The following PIEZO2 variants were observed in gnomAD, a reference collection of about 807,000 sequenced individuals.
The protein encoded by PIEZO2 is piezo type mechanosensitive ion channel component 2.
PIEZO2 carries 172 observed loss-of-function variants against 337.3 expected under a neutral mutation model. The ratio of observed to expected loss-of-function variants is 0.51; its 90% CI spans 0.45 to 0.58. The LOEUF (loss-of-function observed/expected upper bound fraction) is 0.58, where lower values mean the gene tolerates loss of function less well. Among genes scored for constraint, PIEZO2 ranks in the 20% least tolerant of loss-of-function variants. PIEZO2 has a pLI of 0.00. For synonymous variants in PIEZO2, 1,251 were observed against 1,228.5 expected, an observed-to-expected ratio of 1.02 and a Z score of -0.38; for missense variants, 3,028 against 3,391.3, an observed-to-expected ratio of 0.89 and a Z score of 2.66.
chr18:10,675,846 A>C (rs993333698), intron 53 of PIEZO2, among the ~76,000 whole-genome samples: 1 of 151,924 alleles, frequency 6.6e-6, no homozygotes, highest in African/African-American at 2.4e-5. Flanking sequence ...AGTCTCATGA[A>C]ATCTGATGGT....
At chr18:10,769,857 T>G in intron 21 of PIEZO2, 1 of 266,536 alleles carries the variant, frequency 3.8e-6, no homozygotes, top group Non-Finnish European at 7.0e-6. Flanking sequence ...TAGATTCCCA[T>G]AGGCAGGGGC....
At chr18:11,060,990 C>T (rs143078098) in intron 2 of PIEZO2, among the ~76,000 whole-genome samples, 3 of 152,248 alleles carry the variant, frequency 2.0e-5, no homozygotes, top group Admixed American at 6.5e-5. Context: ...TGATGAATAT[C>T]GATGCAAAAG....
At chr18:10,891,708 G>GTA (rs777177148) in intron 4 of PIEZO2, among the ~76,000 whole-genome samples, 16 of 152,258 alleles carry the variant, frequency 1.1e-4, no homozygotes, top group Admixed American at 2.0e-4. Flanking sequence ...CTCAAAGGCT[G>GTA]TACTCAAATC....
chr18:11,082,028 G>T (rs2038760769), intron 1 of PIEZO2, among the ~76,000 whole-genome samples: 1 of 152,126 alleles, frequency 6.6e-6, no homozygotes, highest in African/African-American at 2.4e-5. Flanking sequence ...CCAAAGTGCT[G>T]GGATTACAGG....
At chr18:11,063,508 C>G (rs2038044503) in intron 2 of PIEZO2, among the ~76,000 whole-genome samples, 1 of 152,186 alleles carries the variant, frequency 6.6e-6, no homozygotes, top group East Asian at 1.9e-4. Context: ...TCTCCACATC[C>G]TGGGCACCTA....
intron 3 of PIEZO2, among the ~76,000 whole-genome samples, chr18:10,931,236 G>A (rs985895837): frequency 6.6e-6 from 1 of 151,992 alleles, no homozygotes; most frequent in Non-Finnish European, 1.5e-5. Flanking sequence ...CGCTCTGTTT[G>A]TCGCCCAGGC....
chr18:10,905,581 CAAAA>C (rs11318022), intron 4 of PIEZO2, among the ~76,000 whole-genome samples: 1 of 127,952 alleles, frequency 7.8e-6, no homozygotes, highest in Non-Finnish European at 1.7e-5. Context: ...GAAACTGTTT[CAAAA>C]AAAAAAAAAA....
chr18:10,782,805 C>A (rs953651661), intron 17 of PIEZO2, among the ~76,000 whole-genome samples: 7 of 151,980 alleles, frequency 4.6e-5, no homozygotes, highest in Admixed American at 3.9e-4. Flanking sequence ...TTGACGTGGG[C>A]TGCAGTCTTT....
At chr18:11,085,982 C>T (rs969558018) in intron 1 of PIEZO2, among the ~76,000 whole-genome samples, 1 of 152,046 alleles carries the variant, frequency 6.6e-6, no homozygotes, top group East Asian at 1.9e-4. Flanking sequence ...AATTAATCCT[C>T]CTTCATTTCC....
rs2041700227 is a variant in PIEZO2 at position 10,856,190 on chromosome 18, C to T, written c.704-624G>A. 6.6e-6 allele frequency among the ~76,000 whole-genome samples: 1 copy of T among 152,152 alleles called. No homozygotes were observed. Among genetic ancestry groups the T allele is most frequent in the Non-Finnish European group, 1.5e-5 (1 of 68,014 alleles). On this transcript the variant is annotated intron_variant, in intron 6 of 55. Transcript: ENST00000674853. The surrounding 1 kb of genome is among the most constrained non-coding windows in gnomAD (Gnocchi z 4.7). ...CTCGGATTACAGGCATGAGCCACTG[C>T]TCCTGGCCAATAACTCCTTTAAAAG...
At chr18:11,098,374 T>C (rs951629898) in intron 1 of PIEZO2, among the ~76,000 whole-genome samples, 1 of 151,998 alleles carries the variant, frequency 6.6e-6, no homozygotes, top group African/African-American at 2.4e-5. Context: ...GGTTTCTTTA[T>C]TTTCCAGTTT....
chr18:10,787,545 TATC>T (rs2039267029), intron 15 of PIEZO2, among the ~76,000 whole-genome samples: 1 of 152,198 alleles, frequency 6.6e-6, no homozygotes, highest in Non-Finnish European at 1.5e-5. Flanking sequence ...TCATTGTGGT[TATC>T]ATTGCTCAGA....
intron 1 of PIEZO2, among the ~76,000 whole-genome samples, chr18:11,114,947 T>C (rs1368360694): frequency 6.6e-6 from 1 of 152,190 alleles, no homozygotes; most frequent in Non-Finnish European, 1.5e-5. Flanking sequence ...TTGAACTAAA[T>C]AGGCAAGCAG....
rs532773203 is a variant in PIEZO2, at chr18:10,881,581, T to C, written c.330-10166A>G. Among the ~76,000 whole-genome samples the C allele has an allele frequency of 7.9e-5, 12 of 152,326 alleles. No homozygotes were observed. In the East Asian group the frequency reaches 1.7e-3, roughly 22 times the overall value. ...AATTCTGTGCTCCATGAAAGATTATTACTAGCTTAGAGTCTACCACAGTGG... is the reference window on the plus strand; with the variant it reads ...AATTCTGTGCTCCATGAAAGATTATCACTAGCTTAGAGTCTACCACAGTGG... On this transcript the variant is annotated intron_variant, in intron 4 of 55. Transcript: ENST00000674853.
intron 49 of PIEZO2, among the ~76,000 whole-genome samples, chr18:10,689,287 G>GT (rs2034691462): frequency 6.6e-6 from 1 of 152,258 alleles, no homozygotes; most frequent in Admixed American, 6.5e-5. Flanking sequence ...TCTTCAAAAA[G>GT]TGAGTCAGAA....
intron 2 of PIEZO2, among the ~76,000 whole-genome samples, chr18:11,030,027 A>G (rs2036674483): frequency 6.6e-6 from 1 of 152,208 alleles, no homozygotes; most frequent in South Asian, 2.1e-4. Context: ...TACTCCCTTT[A>G]AGTAATATAA....
intron 3 of PIEZO2, among the ~76,000 whole-genome samples, chr18:10,947,984 G>T (rs960235264): frequency 5.3e-5 from 8 of 151,666 alleles, no homozygotes; most frequent in African/African-American, 1.7e-4. Context: ...AAATTTAAAA[G>T]CACACATTAC....
Position 10,942,929 on chromosome 18 carries a change from ACACAGAGCTTGGGCTATGG to A in PIEZO2, c.287-31720_287-31702del, listed in dbSNP as rs1185075467. Reference sequence around the variant, plus strand: ...CTCCAGCCATGGCTGAAAGGGGCCAACACAGAGCTTGGGCTATGGCATCAGAGGGTGCAAGCTCCAAGCC... The same window carrying A: ...CTCCAGCCATGGCTGAAAGGGGCCAACATCAGAGGGTGCAAGCTCCAAGCC... On this transcript the variant is annotated intron_variant, in intron 3 of 55. Transcript: ENST00000674853. The surrounding 1 kb of genome is among the most constrained non-coding windows in gnomAD (Gnocchi z 4.4). Among the ~76,000 whole-genome samples, 1 of 152,198 alleles carries A rather than the reference ACACAGAGCTTGGGCTATGG, an allele frequency of 6.6e-6. No individual in the cohort carries two copies. The highest frequency in any genetic ancestry group is 2.4e-5 in the African/African-American group (1 of 41,446).
In PIEZO2 at chr18:10,903,396, G is replaced by A. The variant is rs562937947; in HGVS notation, c.329+7790C>T. ...CTGAATAAGATTCAAGGCCAGGCACGGTGGCTCACGCCTGTAATCCCAGCA... is the reference window on the plus strand; with the variant it reads ...CTGAATAAGATTCAAGGCCAGGCACAGTGGCTCACGCCTGTAATCCCAGCA... On this transcript the variant is annotated intron_variant, in intron 4 of 55. Transcript: ENST00000674853. The surrounding 1 kb of genome is among the most constrained non-coding windows in gnomAD (Gnocchi z 4.1). Among the ~76,000 whole-genome samples the A allele has an allele frequency of 1.6e-4, 24 of 152,240 alleles. No individual in the cohort carries two copies. In the South Asian group the frequency reaches 3.3e-3, roughly 21 times the overall value.
Sources: allele counts gnomAD v4.1 joint callset (sites outside exome capture counted in the v4.1 genomes callset), GRCh38; gene constraint gnomAD v4.1.1; non-coding constraint Gnocchi (gnomAD v3.1); transcripts MANE v1.5; gene names NCBI Gene and HGNC (gene_info 2026-07-23, HGNC 2026-07-21).